Variants in RGS5 observed in about 807,000 individuals in gnomAD.
RGS5 encodes regulator of G protein signaling 5.
RGS5 carries 20 observed loss-of-function variants against 18.9 expected under a neutral mutation model. The observed-to-expected ratio is 1.06, with a 90% CI of 0.74 to 1.54. The LOEUF is 1.54. Ranked by LOEUF, RGS5 falls within the 40% of genes most tolerant of loss-of-function variation. The pLI, the probability that RGS5 is intolerant of heterozygous loss-of-function variation, is 0.00. For synonymous variants in RGS5, 57 were observed against 76.2 expected, an observed-to-expected ratio of 0.75 and a Z score of 1.31; for missense variants, 201 against 211.8, an observed-to-expected ratio of 0.95 and a Z score of 0.32.
In RGS5 at chr1:163,180,197, A is replaced by C. The variant is rs4332332; in HGVS notation, c.45-11829T>G. On this transcript the variant is annotated intron_variant, in intron 1 of 4. Coordinates refer to ENST00000313961, the MANE Select transcript of RGS5 (RefSeq NM_003617.4). ...TGCCATGTTGCCCAGTCTGGTCTCAAATGCCTGAGCTCAGATGATCCACCC... is the reference window on the plus strand; with the variant it reads ...TGCCATGTTGCCCAGTCTGGTCTCACATGCCTGAGCTCAGATGATCCACCC... 6.3e-4 allele frequency among the ~76,000 whole-genome samples: 96 copies of C among 152,276 alleles called. 2 individuals carry two copies. The South Asian group carries it at 0.019, about 31-fold the overall frequency.
At chr1:163,213,651 T>C (rs1660154355) in intron 1 of RGS5, among the ~76,000 whole-genome samples, 2 of 152,242 alleles carry the variant, frequency 1.3e-5, no homozygotes, top group Non-Finnish European at 1.5e-5. Flanking sequence ...TTTGTTTATT[T>C]AATCCATGTT....
chr1:163,277,282 T>C (rs755015278), intron 2 of RGS5, among the ~76,000 whole-genome samples: 5 of 152,232 alleles, frequency 3.3e-5, no homozygotes, highest in Non-Finnish European at 5.9e-5. Flanking sequence ...CATGTTTTGA[T>C]TGATGCATTA....
intron 2 of RGS5, among the ~76,000 whole-genome samples, chr1:163,298,716 AGG>A (rs1649483795): frequency 6.6e-6 from 1 of 152,088 alleles, no homozygotes; most frequent in Non-Finnish European, 1.5e-5. Flanking sequence ...ATTCCCAGGG[AGG>A]ATACCTATGA....
chr1:163,213,072 CA>C (rs1428606233), intron 1 of RGS5: 2 of 152,100 alleles, frequency 1.3e-5, no homozygotes, highest in Non-Finnish European at 2.9e-5. Context: ...CTGTGGATCG[CA>C]GGATCAAAAG....
intron 2 of RGS5, among the ~76,000 whole-genome samples, chr1:163,289,127 T>C (rs1483169353): frequency 6.6e-6 from 1 of 152,064 alleles, no homozygotes; most frequent in Non-Finnish European, 1.5e-5. Context: ...GAATGTCATA[T>C]ATTACTTTTC....
At chr1:163,296,246 A>T (rs547244259) in intron 2 of RGS5, among the ~76,000 whole-genome samples, 1 of 152,336 alleles carries the variant, frequency 6.6e-6, no homozygotes, top group African/African-American at 2.4e-5. Flanking sequence ...ATTATGTTCC[A>T]ATAGAAAACT....
intron 2 of RGS5, among the ~76,000 whole-genome samples, chr1:163,287,093 A>G (rs1220192485): frequency 6.6e-6 from 1 of 152,180 alleles, no homozygotes; most frequent in African/African-American, 2.4e-5. Flanking sequence ...TTCCTGTGCA[A>G]TAAGTAAAAA....
Position 163,152,700 on chromosome 1 carries a change from G to A in RGS5, c.234C>T (p.Phe78=), listed in dbSNP as rs765256818. The A allele has an allele frequency of 1.3e-6, 2 of 1,594,652 alleles. No homozygotes were observed. The highest frequency in any genetic ancestry group is 1.7e-6 in the Non-Finnish European group (2 of 1,173,112). ...TGAATTCAGACTTCAGGAAACTTTT[G>A]AAACTGGCAAGTCCATCTGGAAAGA... ...LLQNNYGLAS[F]KSFLKSEFSE... The change falls in exon 4 of 5, where the codon TTC becomes TTT. Residue 78 remains phenylalanine, a synonymous_variant. Coordinates refer to ENST00000313961, the MANE Select transcript of RGS5 (RefSeq NM_003617.4).
intron 2 of RGS5, among the ~76,000 whole-genome samples, chr1:163,298,417 G>C (rs1244205765): frequency 3.9e-5 from 6 of 152,096 alleles, no homozygotes; most frequent in Non-Finnish European, 8.8e-5. Context: ...GTCCCACAAA[G>C]TAGAGGACTT....
rs1157538923 is a variant in RGS5, at chr1:163,143,241, T to C, written c.*4101A>G. ...AAGTGTTCGATACGTGCTTGTCTAATAGAATGAAGAGACTATAAGCCAGAG... is the reference window on the plus strand; with the variant it reads ...AAGTGTTCGATACGTGCTTGTCTAACAGAATGAAGAGACTATAAGCCAGAG... On this transcript the variant is annotated 3_prime_UTR_variant, in exon 5 of 5. Transcript: ENST00000313961. The C allele has an allele frequency of 7.9e-5, 12 of 152,192 alleles. No individual in the cohort carries two copies. The highest frequency in any genetic ancestry group is 7.2e-4 in the Admixed American group (11 of 15,274). 9.4% of individuals were successfully genotyped at this position (152,192 alleles called of 1,614,324 possible).
rs139315255 is a variant in RGS5, at chr1:163,238,997, G to C, written c.-281+67236C>G. On this transcript the variant is annotated intron_variant, in intron 2 of 5. Transcript: ENST00000618415. Reference sequence around the variant, plus strand: ...TATCAAGACTTCATTATAGGTTCCAGGGAACATGATGCAACTACTCATGTA... The same window carrying C: ...TATCAAGACTTCATTATAGGTTCCACGGAACATGATGCAACTACTCATGTA... The C allele has an allele frequency of 5.5e-3, 1,209 of 218,488 alleles. 5 individuals are homozygous for C. Among genetic ancestry groups the C allele is most frequent in the Middle Eastern group, 0.012 (16 of 1,308 alleles). 13.5% of individuals were successfully genotyped at this position (218,488 alleles called of 1,614,324 possible). A position where few individuals can be genotyped will look rare whatever the true frequency, so the allele number is the denominator to read the frequency against.
intron 2 of RGS5, among the ~76,000 whole-genome samples, chr1:163,226,201 T>C (rs116508765): frequency 0.075 from 7,290 of 97,472 alleles, 209 homozygotes; most frequent in Non-Finnish European, 0.13. Flanking sequence ...ATTATAGGCA[T>C]GAGCCACCGC....
At chr1:163,190,882 G>A (rs771967753) in intron 1 of RGS5, among the ~76,000 whole-genome samples, 3 of 152,170 alleles carry the variant, frequency 2.0e-5, no homozygotes, top group Non-Finnish European at 2.9e-5. Context: ...CCCACATGGG[G>A]CACAGCTTTA....
At position 163,283,151 on chromosome 1, in the gene RGS5, A is replaced by AG. The variant is rs200907516; in HGVS notation, c.-281+23081dup. ...GGGAAGGAAAATGGGGAGAAAGGAA[A>AG]GGGGGAGGTTGGTTAATGGCTAACA... On this transcript the variant is annotated intron_variant, in intron 2 of 5. Coordinates refer to the RGS5 transcript ENST00000618415. 3.1e-3 allele frequency among the ~76,000 whole-genome samples: 472 copies of AG among 152,252 alleles called. 1 individual carries two copies. Among genetic ancestry groups the AG allele is most frequent in the African/African-American group, 0.01 (435 of 41,564 alleles).
chr1:163,197,548 T>C (rs61810824), intron 1 of RGS5, among the ~76,000 whole-genome samples: 16,928 of 152,240 alleles, frequency 0.11, 1,284 homozygotes, highest in South Asian at 0.18. Context: ...GAGCAGGGCA[T>C]GGGTCTTTCA....
chr1:163,255,912 C>A (rs1035439679), intron 2 of RGS5, among the ~76,000 whole-genome samples: 1 of 151,970 alleles, frequency 6.6e-6, no homozygotes, highest in Non-Finnish European at 1.5e-5. Context: ...ATTCAACAAC[C>A]CTTCATGCTA....
chr1:163,155,682 T>C (rs1460339212), intron 3 of RGS5, among the ~76,000 whole-genome samples: 1 of 152,060 alleles, frequency 6.6e-6, no homozygotes, highest in African/African-American at 2.4e-5. Flanking sequence ...GCCAAATGTC[T>C]CTATTCTGCA....
At chr1:163,298,501 G>C (rs904959420) in intron 2 of RGS5, among the ~76,000 whole-genome samples, 1 of 152,080 alleles carries the variant, frequency 6.6e-6, no homozygotes, top group Non-Finnish European at 1.5e-5. Context: ...GTGGTTTATC[G>C]GGGGTGGTGT....
At chr1:163,288,496 T>C (rs766445143) in intron 2 of RGS5, among the ~76,000 whole-genome samples, 3 of 152,198 alleles carry the variant, frequency 2.0e-5, no homozygotes, top group Non-Finnish European at 4.4e-5. Flanking sequence ...TCCGAAGCAT[T>C]TGATGTTAAC....
Sources: gnomAD v4.1 joint callset for allele counts (sites outside exome capture counted in the v4.1 genomes callset) on GRCh38, gnomAD v4.1.1 for gene constraint, MANE v1.5 for transcripts, NCBI Gene and HGNC (gene_info 2026-07-23, HGNC 2026-07-21) for gene names.